MRPS23: variants seen among roughly 807,000 people sequenced by gnomAD.
MRPS23 encodes the protein mitochondrial ribosomal protein S23.
MRPS23 carries 14 observed loss-of-function variants against 19.8 expected under a neutral mutation model. That is an observed-to-expected ratio of 0.71 (90% CI 0.47 to 1.11). The LOEUF is 1.11. Among genes scored for constraint, MRPS23 ranks in the 50% least tolerant of loss-of-function variants. MRPS23 has a pLI of 0.00. For synonymous variants in MRPS23, 113 were observed against 89.7 expected (o/e 1.26, Z -1.47); for missense variants, 242 against 236.7 (o/e 1.02, Z -0.15).
intron 2 of MRPS23, among the ~76,000 whole-genome samples, chr17:57,846,145 G>A (rs1219320693): frequency 4.1e-5 from 6 of 146,808 alleles, no homozygotes; most frequent in African/African-American, 7.4e-5. Flanking sequence ...CAGCCGCCCC[G>A]TCTGGGAGGG....
Position 57,839,708 on chromosome 17 carries a change from C to T in MRPS23, c.*75G>A. The T allele has an allele frequency of 6.5e-7, 1 of 1,535,598 alleles. No individual in the cohort carries two copies. Among genetic ancestry groups the T allele is most frequent in the East Asian group, 2.3e-5 (1 of 44,094 alleles). On this transcript the variant is annotated 3_prime_UTR_variant, in exon 5 of 5. Coordinates refer to ENST00000313608, the MANE Select transcript of MRPS23 (RefSeq NM_016070.4). Reference sequence around the variant, plus strand: ...GAGATCAAGAAACATTTACACAGTTCAACTGTTTAAAAATAGCTCAACATT... The same window carrying T: ...GAGATCAAGAAACATTTACACAGTTTAACTGTTTAAAAATAGCTCAACATT...
At chr17:57,847,062 C>CCG (rs2073780993) in intron 2 of MRPS23, among the ~76,000 whole-genome samples, 1 of 150,932 alleles carries the variant, frequency 6.6e-6, no homozygotes. Context: ...CTTTGGGAGG[C>CCG]AAGGCGGGCG....
Position 57,849,980 on chromosome 17 carries a change from T to A in MRPS23, c.31A>T (p.Ser11Cys). The change falls in exon 1 of 5, where the codon AGC becomes TGC. Residue 11 changes from serine (S) to cysteine (C), a missense_variant. Transcript: ENST00000313608. MAGSRLETVG[S>C]IFSRTRDLVR... ...GGGAGCACACACCGAGAGAAGATGC[T>A]CCCTACGGTTTCCAGCCGGCTGCCT... 6.3e-7 allele frequency: 1 copy of A among 1,589,910 alleles called. No individual in the cohort carries two copies. The highest frequency in any genetic ancestry group is 8.5e-7 in the Non-Finnish European group (1 of 1,174,438).
At chr17:57,849,493 T>A (rs549454812) in intron 1 of MRPS23, 83 bp from the exon 2 acceptor site, 1 of 1,510,562 alleles carries the variant, frequency 6.6e-7, no homozygotes, top group South Asian at 1.2e-5. Context: ...GTTTGGGACA[T>A]TAAAGGTATT....
chr17:57,845,835 C>G (rs1424961916), intron 2 of MRPS23, among the ~76,000 whole-genome samples: 1 of 152,136 alleles, frequency 6.6e-6, no homozygotes, highest in Non-Finnish European at 1.5e-5. Flanking sequence ...ATTCAAGAGA[C>G]GATTAATAAG....
rs2073735882 is a variant in MRPS23 at position 57,840,895 on chromosome 17, C to A, written c.420+31G>T. 3.1e-6 allele frequency: 5 copies of A among 1,611,510 alleles called. No homozygotes were observed. In the African/African-American group the frequency reaches 4.0e-5, roughly 13 times the overall value. ...TGCATACTGAGGGACAACTATAAACCCAGTAACAATTTTAACAATGAAATA... is the reference window on the plus strand; with the variant it reads ...TGCATACTGAGGGACAACTATAAACACAGTAACAATTTTAACAATGAAATA... On this transcript the variant is annotated intron_variant, in intron 4 of 4. Coordinates refer to ENST00000313608, the MANE Select transcript of MRPS23 (RefSeq NM_016070.4).
At chr17:57,842,889 TATACACACACACACACACACACAC>T (rs1393429996) in intron 2 of MRPS23, among the ~76,000 whole-genome samples, 1 of 98,408 alleles carries the variant, frequency 1.0e-5, no homozygotes, top group South Asian at 3.1e-4. Context: ...AATATATATA[TATACACACACACACACACACACAC>T]ACACACACAC....
chr17:57,842,250 G>C lies in MRPS23; in HGVS notation c.216-990C>G, dbSNP rs142985321. 7.5e-4 allele frequency among the ~76,000 whole-genome samples: 114 copies of C among 152,304 alleles called. 2 individuals carry two copies. The East Asian group carries it at 0.02, about 27-fold the overall frequency. ...GCTGGTCTTGAACTGCTAGCCTCAA[G>C]AGATCCTCCCACCTTGGCTTCCAAA... is the stretch of plus-strand genomic sequence containing the variant. On this transcript the variant is annotated intron_variant, in intron 2 of 4. Coordinates refer to ENST00000313608, the MANE Select transcript of MRPS23 (RefSeq NM_016070.4).
At chr17:57,849,554 A>G in intron 1 of MRPS23, 144 bp from the exon 2 acceptor site, 1 of 988,934 alleles carries the variant, frequency 1.0e-6, no homozygotes, top group Non-Finnish European at 1.5e-6. Context: ...CCTACAGAGA[A>G]GATCTGTCCA....
In MRPS23 at chr17:57,842,971, C is replaced by CA. The variant is rs1294613790; in HGVS notation, c.216-1712dup. ...CAGTGGCTCACACCTGTAATCCCAG[C>CA]AAAAATATATATATATATTTAGACC... On this transcript the variant is annotated intron_variant, in intron 2 of 4. Coordinates refer to ENST00000313608, the MANE Select transcript of MRPS23 (RefSeq NM_016070.4). Among the ~76,000 whole-genome samples the CA allele has an allele frequency of 2.9e-3, 408 of 142,584 alleles. 3 individuals carry two copies. Among genetic ancestry groups the CA allele is most frequent in the African/African-American group, 8.8e-3 (336 of 37,978 alleles). The allele number at this position is 142,584 out of a possible 152,430, so 93.5% of individuals were successfully genotyped here.
At chr17:57,849,033 C>G in intron 2 of MRPS23, 1 of 610,102 alleles carries the variant, frequency 1.6e-6, no homozygotes, top group East Asian at 2.9e-5. Flanking sequence ...TTGCAATGAT[C>G]TTTCGGTTGC....
intron 2 of MRPS23, among the ~76,000 whole-genome samples, chr17:57,847,819 C>T (rs2073786564): frequency 6.6e-6 from 1 of 151,506 alleles, no homozygotes; most frequent in Non-Finnish European, 1.5e-5. Flanking sequence ...ACCTCAGCAT[C>T]CAAAGTAGCT....
chr17:57,845,397 T>C (rs927903345), intron 2 of MRPS23, among the ~76,000 whole-genome samples: 1 of 152,186 alleles, frequency 6.6e-6, no homozygotes, highest in African/African-American at 2.4e-5. Context: ...ATTCGGAACA[T>C]AATGACCTTA....
At chr17:57,841,079 G>A in intron 3 of MRPS23, 27 bp from the exon 4 acceptor site, 1 of 1,612,866 alleles carries the variant, frequency 6.2e-7, no homozygotes, top group South Asian at 1.1e-5. Context: ...TCACATTTTA[G>A]GTATGTTTGT....
intron 2 of MRPS23, among the ~76,000 whole-genome samples, chr17:57,846,048 A>G (rs1183783786): frequency 6.6e-6 from 1 of 152,016 alleles, no homozygotes; most frequent in Non-Finnish European, 1.5e-5. Flanking sequence ...AAACATGAAA[A>G]CAGAAAAGTA....
chr17:57,849,914 G>A (rs1210815574), intron 1 of MRPS23, 53 bp downstream of exon 1: 1 of 1,558,832 alleles, frequency 6.4e-7, no homozygotes, highest in East Asian at 2.4e-5. Flanking sequence ...GACCGGCTGA[G>A]AACCCCAGCC....
At chr17:57,849,798 ACAACTATTCGGAGCCAG>A (rs2073800153) in intron 1 of MRPS23, 152 bp downstream of exon 1, 1 of 774,656 alleles carries the variant, frequency 1.3e-6, no homozygotes, top group East Asian at 2.7e-5. Context: ...ATCCTCAGGC[ACAACTATTCGGAGCCAG>A]GAGAAAACAT....
intron 2 of MRPS23, among the ~76,000 whole-genome samples, chr17:57,844,883 T>C (rs926824516): frequency 1.3e-4 from 20 of 152,044 alleles, no homozygotes; most frequent in African/African-American, 3.6e-4. Context: ...GCACAAATGA[T>C]TTTTTAAATT....
Position 57,836,897 on chromosome 17 carries a change from T to G in MRPS23, c.*2886A>C, listed in dbSNP as rs1183216561. The G allele has an allele frequency of 1.3e-5, 2 of 152,224 alleles. 1 individual carries two copies. The allele number at this position is 152,224 out of a possible 1,614,324, so 9.4% of individuals were successfully genotyped here. ...TTTCACTATGTTGGCCAGGCTGGTC[T>G]CGAACTCCTGACCTCAGGTGATCCG... On this transcript the variant is annotated 3_prime_UTR_variant, in exon 5 of 5. Transcript: ENST00000313608.
Sources: gnomAD v4.1 joint callset for allele counts (sites outside exome capture counted in the v4.1 genomes callset) on GRCh38, gnomAD v4.1.1 for gene constraint, MANE v1.5 for transcripts, NCBI Gene and HGNC (gene_info 2026-07-23, HGNC 2026-07-21) for gene names.